ZNG1A: variants seen among roughly 807,000 people sequenced by gnomAD.
The protein encoded by ZNG1A is zinc-regulated GTPase metalloprotein activator 1A.
At chr9:129,732 G>A in the ZNG1A span, among the ~76,000 whole-genome samples, 42,157 of 149,794 alleles carry the variant, frequency 0.28, 7,224 homozygotes, top group African/African-American at 0.41. Context: ...AGGTCCAGAG[G>A]TCTGCTATGT....
the ZNG1A span, chr9:160,212 T>C: frequency 2.2e-6 from 1 of 454,372 alleles, no homozygotes; most frequent in South Asian, 1.6e-5. Context: ...ATGATATCAA[T>C]TACCACCTCA....
At chr9:140,972 A>C in the ZNG1A span, among the ~76,000 whole-genome samples, 532 of 124,318 alleles carry the variant, frequency 4.3e-3, 17 homozygotes, top group African/African-American at 0.016. Context: ...GAAATGAAGC[A>C]AGAAGGGAAG....
chr9:131,998 T>G, the ZNG1A span, among the ~76,000 whole-genome samples: 53 of 124,092 alleles, frequency 4.3e-4, no homozygotes, highest in Admixed American at 3.2e-3. Context: ...ATTGCTCTTT[T>G]CCTTACTTCT....
the ZNG1A span, among the ~76,000 whole-genome samples, chr9:178,308 T>C: frequency 5.3e-5 from 8 of 151,638 alleles, no homozygotes; most frequent in Admixed American, 4.6e-4. Context: ...AAAAAAAAAG[T>C]GTTTAAGATA....
At chr9:161,585 T>A in the ZNG1A span, 7 of 1,286,470 alleles carry the variant, frequency 5.4e-6, no homozygotes, top group African/African-American at 9.1e-5. Flanking sequence ...GCCCTATCCA[T>A]ATGCTCAGAT....
the ZNG1A span, among the ~76,000 whole-genome samples, chr9:128,929 G>A: frequency 6.6e-6 from 1 of 151,776 alleles, no homozygotes; most frequent in African/African-American, 2.4e-5. Context: ...GAGCTGAGCT[G>A]TAGTGATTGC....
At chr9:146,271 G>A in the ZNG1A span, 8 of 1,154,160 alleles carry the variant, frequency 6.9e-6, no homozygotes, top group Admixed American at 1.4e-4. Flanking sequence ...CATAGAAGTG[G>A]GCAAATGGTG....
chr9:161,234 C>G, the ZNG1A span, among the ~76,000 whole-genome samples: 1 of 151,548 alleles, frequency 6.6e-6, no homozygotes, highest in African/African-American at 2.4e-5. Context: ...TTTGGGAGGC[C>G]GAGGCGGGTG....
At chr9:159,185 T>C in the ZNG1A span, among the ~76,000 whole-genome samples, 2 of 149,422 alleles carry the variant, frequency 1.3e-5, no homozygotes, top group Admixed American at 6.7e-5. Context: ...TGCTTATATA[T>C]CAAAAAAGAC....
the ZNG1A span, chr9:166,688 C>A: frequency 6.6e-6 from 1 of 152,472 alleles, no homozygotes; most frequent in Non-Finnish European, 1.5e-5. Flanking sequence ...GATGAAAATG[C>A]GTTTGTAGCG....
the ZNG1A span, among the ~76,000 whole-genome samples, chr9:141,882 G>A: frequency 6.6e-6 from 1 of 152,062 alleles, no homozygotes; most frequent in South Asian, 2.1e-4. Context: ...ACAAGGCAGG[G>A]GTTGCAATCC....
the ZNG1A span, chr9:178,699 G>T: frequency 2.9e-6 from 3 of 1,032,704 alleles, 1 homozygote; most frequent in Non-Finnish European, 4.2e-6. Context: ...CCCCGACCTC[G>T]AAGACATTTG....
chr9:173,919 G>C, the ZNG1A span, among the ~76,000 whole-genome samples: 1 of 152,012 alleles, frequency 6.6e-6, no homozygotes, highest in African/African-American at 2.4e-5. Flanking sequence ...AGGCCAAGGC[G>C]GGCGGATCAC....
the ZNG1A span, among the ~76,000 whole-genome samples, chr9:168,891 T>C: frequency 2.0e-5 from 3 of 152,070 alleles, no homozygotes; most frequent in East Asian, 5.8e-4. Context: ...CTTCAAAATA[T>C]TATTGCTCAT....
the ZNG1A span, among the ~76,000 whole-genome samples, chr9:145,298 C>A: frequency 1.3e-5 from 2 of 150,334 alleles, no homozygotes; most frequent in South Asian, 2.1e-4. Flanking sequence ...GGAACCAACC[C>A]AAATGTCCAA....
the ZNG1A span, among the ~76,000 whole-genome samples, chr9:161,245 G>T: frequency 6.6e-6 from 1 of 151,912 alleles, no homozygotes; most frequent in Non-Finnish European, 1.5e-5. Flanking sequence ...GAGGCGGGTG[G>T]ATCACTTGAG....
At chr9:154,435 GA>G in the ZNG1A span, 1 of 502,800 alleles carries the variant, frequency 2.0e-6, no homozygotes, top group Admixed American at 3.7e-5. Flanking sequence ...CATTAGGAAA[GA>G]GTCAAAGAGA....
chr9:152,706 C>A, the ZNG1A span, among the ~76,000 whole-genome samples: 1 of 151,494 alleles, frequency 6.6e-6, no homozygotes, highest in African/African-American at 2.4e-5. Flanking sequence ...AAATTCTTTT[C>A]AACACACTGT....
the ZNG1A span, among the ~76,000 whole-genome samples, chr9:158,433 T>C: frequency 6.6e-6 from 1 of 151,232 alleles, no homozygotes; most frequent in Admixed American, 6.6e-5. Context: ...CAAGATATTA[T>C]ATTATTGACC....
Sources: allele counts gnomAD v4.1 joint callset (sites outside exome capture counted in the v4.1 genomes callset), GRCh38; gene constraint gnomAD v4.1.1; transcripts MANE v1.5; gene names NCBI Gene and HGNC (gene_info 2026-07-23, HGNC 2026-07-21).